Variants in TP63 observed in about 807,000 individuals in gnomAD.
TP63 encodes tumor protein 63.
TP63 carries 17 observed loss-of-function variants against 82.8 expected under a neutral mutation model. That is an observed-to-expected ratio of 0.21 (90% CI 0.14 to 0.31). The LOEUF is 0.31. Ranked by LOEUF, TP63 falls within the 10% of genes least tolerant of loss-of-function variation. The pLI is 1.00. For missense variants in TP63, 648 were observed against 895.3 expected, an observed-to-expected ratio of 0.72 and a Z score of 3.52; for synonymous variants, 330 against 321.7, an observed-to-expected ratio of 1.03 and a Z score of -0.28.
At chr3:189,801,693 G>A (rs1029412184) in intron 3 of TP63, among the ~76,000 whole-genome samples, 10 of 152,080 alleles carry the variant, frequency 6.6e-5, no homozygotes, top group African/African-American at 1.4e-4. Context: ...CTCACCTGCC[G>A]TTGGGGCTTC....
rs1422996578 is a variant in TP63 at position 189,763,082 on chromosome 3, GTAACCT to G, written c.324+24309_324+24314del. ...GCTTGGGAGTTCAAGATCAGCCAGG[GTAACCT>G]AGTGAGACCCCTGTCTCTATAAACA... On this transcript the variant is annotated intron_variant, in intron 3 of 13. Transcript: ENST00000264731. Among the ~76,000 whole-genome samples the G allele has an allele frequency of 2.0e-5, 3 of 152,182 alleles. No individual in the cohort carries two copies. In the East Asian group the frequency reaches 5.8e-4, roughly 29 times the overall value.
chr3:189,875,595 T>TATATATAC (rs1553859593), intron 10 of TP63, among the ~76,000 whole-genome samples: 1,017 of 24,976 alleles, frequency 0.041, 3 homozygotes, highest in Non-Finnish European at 0.078. Flanking sequence ...AATACATACA[T>TATATATAC]ATATATATAT....
intron 9 of TP63, among the ~76,000 whole-genome samples, chr3:189,871,613 A>G (rs917446242): frequency 2.2e-4 from 34 of 152,222 alleles, no homozygotes; most frequent in Non-Finnish European, 4.3e-4. Context: ...TAAGGCAGTT[A>G]AAGTGCCTAG....
At chr3:189,748,949 A>G (rs1721591869) in intron 3 of TP63, among the ~76,000 whole-genome samples, 1 of 152,162 alleles carries the variant, frequency 6.6e-6, no homozygotes, top group Non-Finnish European at 1.5e-5. Context: ...ACACTCTTCA[A>G]TAAGTGGTAC....
At chr3:189,680,981 C>T (rs1715857426) in intron 1 of TP63, among the ~76,000 whole-genome samples, 1 of 152,332 alleles carries the variant, frequency 6.6e-6, no homozygotes, top group Middle Eastern at 3.4e-3. Flanking sequence ...TTTGGGTCCA[C>T]AGTAAAGTCA....
chr3:189,640,794 T>C (rs924470970), intron 1 of TP63, among the ~76,000 whole-genome samples: 2 of 152,166 alleles, frequency 1.3e-5, no homozygotes, highest in Non-Finnish European at 1.5e-5. Flanking sequence ...TGCTGCTTGT[T>C]AGTACAGAAT....
chr3:189,698,066 G>A (rs1717525594), intron 1 of TP63, among the ~76,000 whole-genome samples: 1 of 152,072 alleles, frequency 6.6e-6, no homozygotes, highest in Non-Finnish European at 1.5e-5. Flanking sequence ...CCAGGACAAT[G>A]TTGAATAGGA....
At chr3:189,663,518 A>ATTAT (rs1553807497) in intron 1 of TP63, among the ~76,000 whole-genome samples, 1 of 85,448 alleles carries the variant, frequency 1.2e-5, no homozygotes, top group Non-Finnish European at 2.5e-5. Context: ...TATTTCATTC[A>ATTAT]TTCTTTTTTT....
chr3:189,672,032 AAG>A (rs1469520362), intron 1 of TP63, among the ~76,000 whole-genome samples: 2 of 152,120 alleles, frequency 1.3e-5, no homozygotes, highest in East Asian at 3.9e-4. Flanking sequence ...AAAAAGCTAG[AAG>A]AGAAGATTTT....
intron 1 of TP63, among the ~76,000 whole-genome samples, chr3:189,675,545 A>G (rs1186666886): frequency 6.6e-6 from 1 of 152,132 alleles, no homozygotes; most frequent in Non-Finnish European, 1.5e-5. Context: ...TAAGTCACAT[A>G]TAAATTTAGA....
At chr3:189,818,683 C>A (rs1728458724) in intron 4 of TP63, among the ~76,000 whole-genome samples, 1 of 151,418 alleles carries the variant, frequency 6.6e-6, no homozygotes, top group East Asian at 1.9e-4. Context: ...CAATTGAATC[C>A]ATTTTTAATG....
chr3:189,760,293 C>T (rs1384432678), intron 3 of TP63, among the ~76,000 whole-genome samples: 1 of 152,204 alleles, frequency 6.6e-6, no homozygotes, highest in African/African-American at 2.4e-5. Flanking sequence ...CAAGGCAAGT[C>T]CCTTCTGCCT....
At chr3:189,809,621 G>A (rs911442873) in intron 4 of TP63, among the ~76,000 whole-genome samples, 1 of 152,158 alleles carries the variant, frequency 6.6e-6, no homozygotes, top group Non-Finnish European at 1.5e-5. Flanking sequence ...CTTTAGAATT[G>A]TTTTGACAGT....
At chr3:189,736,288 C>T (rs1016965816) in intron 1 of TP63, among the ~76,000 whole-genome samples, 1 of 151,882 alleles carries the variant, frequency 6.6e-6, no homozygotes. Flanking sequence ...ACCTCTCTGG[C>T]TTAATCTCCC....
chr3:189,828,124 C>T (rs146420197), intron 4 of TP63, among the ~76,000 whole-genome samples: 110 of 151,908 alleles, frequency 7.2e-4, no homozygotes, highest in Non-Finnish European at 1.2e-3. Flanking sequence ...GCCTGTAGTC[C>T]CAGCTACTCG....
chr3:189,753,456 T>A (rs868376226), intron 3 of TP63, among the ~76,000 whole-genome samples: 12 of 152,078 alleles, frequency 7.9e-5, no homozygotes, highest in African/African-American at 2.9e-4. Context: ...TGTATTAATA[T>A]TAATACAGCA....
At chr3:189,619,965 A>T in the TP63 span, among the ~76,000 whole-genome samples, 1 of 152,154 alleles carries the variant, frequency 6.6e-6, no homozygotes, top group Admixed American at 6.5e-5. Context: ...CACTTTGTGT[A>T]CTCAAAGAAG....
intron 3 of TP63, among the ~76,000 whole-genome samples, chr3:189,804,137 A>G (rs1431991633): frequency 6.6e-6 from 1 of 152,204 alleles, no homozygotes; most frequent in East Asian, 1.9e-4. Flanking sequence ...ATCTGAAAGT[A>G]TAGTGTTCTA....
intron 3 of TP63, among the ~76,000 whole-genome samples, chr3:189,774,867 T>C (rs1224235095): frequency 6.6e-6 from 1 of 152,170 alleles, no homozygotes; most frequent in Non-Finnish European, 1.5e-5. Flanking sequence ...TTATTGAATA[T>C]ATTCTCAAGA....
Sources: gnomAD v4.1 joint callset for allele counts (sites outside exome capture counted in the v4.1 genomes callset) on GRCh38, gnomAD v4.1.1 for gene constraint, MANE v1.5 for transcripts, NCBI Gene and HGNC (gene_info 2026-07-23, HGNC 2026-07-21) for gene names.